Variants in DLG2 observed in about 807,000 individuals in gnomAD.
DLG2 encodes the protein disks large homolog 2.
Under a neutral mutation model 132.5 loss-of-function variants are expected in DLG2, and 45 were observed. That is an observed-to-expected ratio of 0.34 (90% confidence interval 0.27 to 0.44). The LOEUF is 0.44. DLG2 is among the 20% of genes least tolerant of loss of function. The pLI is 1.00. For missense variants in DLG2, 1,045 were observed against 1,196.9 expected (o/e 0.87, Z 1.87); for synonymous variants, 424 against 419.6 (o/e 1.01, Z -0.13).
At chr11:84,948,760 T>C (rs953625869) in intron 6 of DLG2, among the ~76,000 whole-genome samples, 1 of 152,212 alleles carries the variant, frequency 6.6e-6, no homozygotes, top group Admixed American at 6.5e-5. Context: ...GCATGTCTGA[T>C]TGATTTGTGA....
chr11:84,341,588 T>G (rs964848624), intron 7 of DLG2, among the ~76,000 whole-genome samples: 1 of 152,242 alleles, frequency 6.6e-6, no homozygotes, highest in Non-Finnish European at 1.5e-5. Flanking sequence ...TTCCCCACTA[T>G]GTCCCATATG....
chr11:83,727,574 A>T (rs1009557612), intron 18 of DLG2, among the ~76,000 whole-genome samples: 20 of 152,168 alleles, frequency 1.3e-4, no homozygotes, highest in Admixed American at 1.2e-3. Flanking sequence ...CCTTCCCAAA[A>T]GTTCCCAGGA....
intron 3 of DLG2, among the ~76,000 whole-genome samples, chr11:85,559,016 T>C (rs1400964476): frequency 6.6e-6 from 1 of 151,750 alleles, no homozygotes; most frequent in Non-Finnish European, 1.5e-5. Context: ...CCCTATAGTA[T>C]GTAAGCTGTG....
At chr11:83,636,211 C>T (rs2064801343) in intron 18 of DLG2, among the ~76,000 whole-genome samples, 1 of 152,160 alleles carries the variant, frequency 6.6e-6, no homozygotes, top group South Asian at 2.1e-4. Context: ...TACTTCATTG[C>T]ATTCATCACA....
At chr11:84,813,175 TAC>T (rs61332466) in intron 6 of DLG2, among the ~76,000 whole-genome samples, 41 of 150,990 alleles carry the variant, frequency 2.7e-4, no homozygotes, top group African/African-American at 8.5e-4. Context: ...ATTAAATACA[TAC>T]ACACACACAC....
At chr11:84,909,522 AAATT>A (rs1291488532) in intron 6 of DLG2, among the ~76,000 whole-genome samples, 2 of 152,194 alleles carry the variant, frequency 1.3e-5, no homozygotes, top group African/African-American at 4.8e-5. Context: ...AAATAAATAA[AAATT>A]AAGAAATTTC....
intron 3 of DLG2, among the ~76,000 whole-genome samples, chr11:85,517,142 ACT>A (rs1277604790): frequency 1.3e-5 from 2 of 152,218 alleles, no homozygotes; most frequent in East Asian, 3.9e-4. Flanking sequence ...AATAAATGTA[ACT>A]CATCATATAA....
Position 85,188,141 on chromosome 11 carries a change from T to C in DLG2, c.187-33490A>G, listed in dbSNP as rs531445542. Among the ~76,000 whole-genome samples the C allele has an allele frequency of 2.6e-5, 4 of 152,232 alleles. No individual in the cohort carries two copies. In the East Asian group the frequency reaches 7.7e-4, roughly 29 times the overall value. On this transcript the variant is annotated intron_variant, in intron 4 of 27. Transcript: ENST00000376104. ...AGTTGGCAATGGCTTGTAAACTACT[T>C]GAACTATGAATGGAATCCCCAAACC...
At chr11:85,228,401 A>G (rs4944512) in intron 4 of DLG2, among the ~76,000 whole-genome samples, 122,245 of 152,052 alleles carry the variant, frequency 0.8, 49,946 homozygotes, top group Non-Finnish European at 0.89. Context: ...GGAAGCAAGC[A>G]TAAGAGAGAA....
At chr11:85,558,527 C>T (rs920136443) in intron 3 of DLG2, among the ~76,000 whole-genome samples, 1 of 151,722 alleles carries the variant, frequency 6.6e-6, no homozygotes, top group African/African-American at 2.4e-5. Flanking sequence ...ATAGCAAAGA[C>T]ACAGAATCAA....
intron 7 of DLG2, among the ~76,000 whole-genome samples, chr11:84,493,760 T>A (rs1422161154): frequency 6.6e-6 from 1 of 152,100 alleles, no homozygotes; most frequent in African/African-American, 2.4e-5. Flanking sequence ...AGGTCCCTGA[T>A]AATGTATACA....
chr11:85,096,892 C>T (rs768490548), intron 6 of DLG2, among the ~76,000 whole-genome samples: 1 of 152,134 alleles, frequency 6.6e-6, no homozygotes, highest in Non-Finnish European at 1.5e-5. Context: ...TCTCTAACAA[C>T]CCCTGATTTG....
At chr11:84,989,425 C>A (rs544063752) in intron 6 of DLG2, among the ~76,000 whole-genome samples, 2 of 152,160 alleles carry the variant, frequency 1.3e-5, no homozygotes, top group Non-Finnish European at 2.9e-5. Flanking sequence ...ATCCACCCAC[C>A]TTGGCCTCCC....
chr11:85,358,860 G>T (rs1054753566), intron 3 of DLG2, among the ~76,000 whole-genome samples: 16 of 151,980 alleles, frequency 1.1e-4, no homozygotes, highest in Admixed American at 3.3e-4. Context: ...ACTTCTTGTT[G>T]GCTTCCTCAG....
intron 6 of DLG2, among the ~76,000 whole-genome samples, chr11:84,697,418 A>G (rs2058729832): frequency 6.6e-6 from 1 of 151,566 alleles, no homozygotes; most frequent in African/African-American, 2.4e-5. Context: ...TTTTAATCAA[A>G]TTCAGCTATA....
At chr11:83,888,923 A>G (rs563670884) in intron 15 of DLG2, among the ~76,000 whole-genome samples, 83 of 152,342 alleles carry the variant, frequency 5.4e-4, no homozygotes, top group African/African-American at 2.0e-3. Context: ...CTGAAACTGG[A>G]TCTCTTCCTT....
intron 7 of DLG2, among the ~76,000 whole-genome samples, chr11:84,521,790 G>A (rs1168590106): frequency 2.6e-5 from 4 of 152,148 alleles, no homozygotes; most frequent in Admixed American, 2.6e-4. Context: ...TAAATTGCTT[G>A]TTTATAATTA....
At chr11:85,232,003 T>C (rs986061989) in intron 4 of DLG2, among the ~76,000 whole-genome samples, 2 of 151,844 alleles carry the variant, frequency 1.3e-5, no homozygotes, top group Non-Finnish European at 2.9e-5. Context: ...TTGGAGTTCC[T>C]TCTCCACACA....
intron 6 of DLG2, among the ~76,000 whole-genome samples, chr11:84,791,442 T>C (rs1333434272): frequency 6.6e-6 from 1 of 152,244 alleles, no homozygotes; most frequent in Non-Finnish European, 1.5e-5. Context: ...TGTGATTTCA[T>C]ATAAATTTTA....
Sources: allele counts gnomAD v4.1 joint callset (sites outside exome capture counted in the v4.1 genomes callset), GRCh38; gene constraint gnomAD v4.1.1; transcripts MANE v1.5; gene names NCBI Gene and HGNC (gene_info 2026-07-23, HGNC 2026-07-21).